The following ADGRG4 variants were observed in gnomAD, a reference collection of about 807,000 sequenced individuals.
ADGRG4 encodes G protein-coupled receptor 112.
A neutral mutation model predicts 126.2 loss-of-function variants in ADGRG4; 122 were observed. The ratio of observed to expected loss-of-function variants is 0.97; its 90% CI spans 0.83 to 1.12. The LOEUF is 1.12. Among genes scored for constraint, ADGRG4 ranks in the 50% most tolerant of loss-of-function variants. The pLI is 0.00. For missense variants in ADGRG4, 2,481 were observed against 2,251.8 expected, an observed-to-expected ratio of 1.10 and a Z score of -2.06; for synonymous variants, 943 against 838.7, an observed-to-expected ratio of 1.12 and a Z score of -2.15.
chrX:136,330,392 T>C (rs2148455619), intron 5 of ADGRG4, among the ~76,000 whole-genome samples: 1 of 111,030 alleles, frequency 9.0e-6, no homozygotes, highest in South Asian at 3.8e-4. Flanking sequence ...TTACCTTTTT[T>C]TTTTTTTTAA....
At chrX:136,402,649 A>G (rs1340808383) in intron 21 of ADGRG4, among the ~76,000 whole-genome samples, 1 of 111,844 alleles carries the variant, frequency 8.9e-6, no homozygotes, top group African/African-American at 3.3e-5. Context: ...TTGGATTTTT[A>G]AACCCTGTGT....
rs139834601 is a variant in ADGRG4, at chrX:136,401,460, A to G, written c.8575+1344A>G. Among the ~76,000 whole-genome samples the G allele has an allele frequency of 5.3e-3, 591 of 111,417 alleles. 2 individuals carry two copies. The highest frequency in any genetic ancestry group is 0.017 in the African/African-American group (522 of 30,615). On this transcript the variant is annotated intron_variant, in intron 21 of 25. Coordinates refer to ENST00000394143, the MANE Select transcript of ADGRG4 (RefSeq NM_153834.4). ...CTTATCTCTTTGATCTTCTAATTTC[A>G]TACACATTTCTTGGGTTACAAGGAG...
At chrX:136,330,091 G>A (rs2074899249) in intron 5 of ADGRG4, among the ~76,000 whole-genome samples, 1 of 110,398 alleles carries the variant, frequency 9.1e-6, no homozygotes, top group African/African-American at 3.3e-5. Context: ...ATCTTACTCA[G>A]GTTTCTCTAG....
intron 23 of ADGRG4, among the ~76,000 whole-genome samples, chrX:136,410,180 A>G (rs2075437937): frequency 1.8e-5 from 2 of 112,294 alleles, no homozygotes; most frequent in Admixed American, 9.4e-5. Context: ...TGTCCTTTTC[A>G]TGACAGCCCT....
In ADGRG4 at chrX:136,357,689, T is replaced by G. The variant is rs377370501; in HGVS notation, c.6928-15T>G. ...TTAAAGATTTCAGTGACTATGTACT[T>G]TTCTTTTGCATTAGTTGGAACAGAG... On this transcript the variant is annotated splice_polypyrimidine_tract_variant and intron_variant, in intron 9 of 25. Transcript: ENST00000394143. The G allele has an allele frequency of 3.5e-6, 4 of 1,158,508 alleles. No individual in the cohort carries two copies. The highest frequency in any genetic ancestry group is 4.4e-5 in the Admixed American group (2 of 45,032).
chrX:136,305,938 A>G (rs2074730573), intron 3 of ADGRG4: 2 of 111,874 alleles, frequency 1.8e-5, no homozygotes, highest in African/African-American at 6.5e-5. Context: ...GAGCAGCCCC[A>G]TGACGTGCTA....
At chrX:136,333,373 C>T (rs992856842) in intron 5 of ADGRG4, among the ~76,000 whole-genome samples, 5 of 111,374 alleles carry the variant, frequency 4.5e-5, no homozygotes, top group East Asian at 2.8e-4. Flanking sequence ...CCACCCACCT[C>T]GGCCTCACAA....
intron 4 of ADGRG4, among the ~76,000 whole-genome samples, chrX:136,318,789 ACT>A (rs2074821050): frequency 9.0e-6 from 1 of 111,538 alleles, no homozygotes; most frequent in Admixed American, 9.6e-5. Flanking sequence ...GAGTGGTGGG[ACT>A]CTCTGGCTGG....
intron 7 of ADGRG4, among the ~76,000 whole-genome samples, chrX:136,352,052 C>T (rs1002714627): frequency 9.0e-6 from 1 of 111,530 alleles, no homozygotes; most frequent in Admixed American, 9.5e-5. Flanking sequence ...AGTAAATGTC[C>T]TCTCTCTAAT....
chrX:136,367,879 G>T (rs747173175), intron 13 of ADGRG4, among the ~76,000 whole-genome samples: 1 of 112,278 alleles, frequency 8.9e-6, no homozygotes, highest in Non-Finnish European at 1.9e-5. Flanking sequence ...GTTAGAAAAG[G>T]TACTTTTATT....
At chrX:136,406,030 T>C in intron 23 of ADGRG4, 58 bp downstream of exon 23, 2 of 1,044,646 alleles carry the variant, frequency 1.9e-6, no homozygotes, top group South Asian at 2.5e-5. Context: ...AAAGCTTTTG[T>C]TGCTTTGGAA....
chrX:136,365,913 A>G (rs1370606324), intron 13 of ADGRG4, among the ~76,000 whole-genome samples: 1 of 111,726 alleles, frequency 9.0e-6, no homozygotes, highest in Admixed American at 9.5e-5. Flanking sequence ...TTCACAGCAA[A>G]ATTGAGTGGA....
intron 16 of ADGRG4, among the ~76,000 whole-genome samples, chrX:136,388,321 C>T (rs935345587): frequency 8.9e-6 from 1 of 111,894 alleles, no homozygotes; most frequent in South Asian, 3.7e-4. Flanking sequence ...CTTCCCACAG[C>T]CCCCACAGAA....
intron 22 of ADGRG4, among the ~76,000 whole-genome samples, chrX:136,403,899 A>G (rs766557877): frequency 9.0e-5 from 10 of 111,346 alleles, no homozygotes; most frequent in Non-Finnish European, 1.7e-4. Flanking sequence ...AACCACAATC[A>G]CGCGAGAGTA....
At chrX:136,330,442 T>C (rs2074902124) in intron 5 of ADGRG4, among the ~76,000 whole-genome samples, 1 of 109,896 alleles carries the variant, frequency 9.1e-6, no homozygotes, top group Admixed American at 9.7e-5. Flanking sequence ...GGTTGTTGAG[T>C]GTCTCAATAG....
rs2075359675 is a variant in ADGRG4 at position 136,397,952 on chromosome X, A to G, written c.8256A>G (p.Gly2752=). ...ILALITYTGC[G]ISSIFLGVAV... The stretch of plus-strand genomic sequence containing the variant: ...CGCTTATAACATACACCGGATGTGG[A>G]ATCTCCTCCATTTTTCTGGGAGTTG... The change falls in exon 20 of 26, where the codon GGA becomes GGG. Residue 2752 remains glycine (G), a synonymous_variant. Transcript: ENST00000394143. 17 of 1,198,132 alleles carry G rather than the reference A, an allele frequency of 1.4e-5. No individual in the cohort carries two copies. Among genetic ancestry groups the G allele is most frequent in the Admixed American group, 2.2e-5 (1 of 45,736 alleles).
intron 4 of ADGRG4, among the ~76,000 whole-genome samples, chrX:136,319,707 CT>C (rs979252095): frequency 3.7e-4 from 38 of 103,676 alleles, no homozygotes; most frequent in African/African-American, 1.3e-3. Context: ...TTCTATCTAT[CT>C]ATCTATCTAT....
At chrX:136,372,441 C>T (rs890768258) in intron 14 of ADGRG4, among the ~76,000 whole-genome samples, 1 of 111,730 alleles carries the variant, frequency 9.0e-6, no homozygotes, top group Non-Finnish European at 1.9e-5. Context: ...GGGTCATCTT[C>T]TACATAGCAC....
intron 21 of ADGRG4, among the ~76,000 whole-genome samples, chrX:136,402,910 A>G (rs1010915707): frequency 1.5e-4 from 17 of 111,938 alleles, no homozygotes; most frequent in African/African-American, 5.2e-4. Flanking sequence ...TTAGGGGCTC[A>G]TGATCTAAGA....
Sources: allele counts gnomAD v4.1 joint callset (sites outside exome capture counted in the v4.1 genomes callset), GRCh38; gene constraint gnomAD v4.1.1; transcripts MANE v1.5; gene names NCBI Gene and HGNC (gene_info 2026-07-23, HGNC 2026-07-21).